The following CTDP1 variants were observed in gnomAD, a reference collection of about 807,000 sequenced individuals.
The protein encoded by CTDP1 is CTD phosphatase 1.
CTDP1 carries 47 observed loss-of-function variants against 91.8 expected under a neutral mutation model. The observed-to-expected ratio is 0.51, with a 90% CI of 0.41 to 0.65. The LOEUF is 0.65. CTDP1 is among the 30% of genes least tolerant of loss of function. The pLI is 0.00. For missense variants in CTDP1, 1,272 were observed against 1,373.7 expected (o/e 0.93, Z 1.17); for synonymous variants, 656 against 598.5 (o/e 1.10, Z -1.40).
At position 79,679,853 on chromosome 18, in the gene CTDP1, C is replaced by A; in HGVS notation, c.-95C>A. 1.7e-6 allele frequency: 2 copies of A among 1,190,768 alleles called. No homozygotes were observed. Among genetic ancestry groups the A allele is most frequent in the Non-Finnish European group, 2.2e-6 (2 of 905,986 alleles). The allele number at this position is 1,190,768 out of a possible 1,614,324, so 73.8% of individuals were successfully genotyped here. ...TGGAAGCCGGTACCGAGAGGAACTA[C>A]AGCGTCGCCGCCTGGGTTGTGTCGC... is the stretch of plus-strand genomic sequence containing the variant. On this transcript the variant is annotated 5_prime_UTR_variant, in exon 1 of 13. Transcript: ENST00000613122.
At position 79,705,534 on chromosome 18, in the gene CTDP1, TCCACGTGGACGAAGCAACGTCTGTC is replaced by T. The variant is rs527715546; in HGVS notation, c.772+635_772+659del. Among the ~76,000 whole-genome samples, 17 of 151,738 alleles carry T rather than the reference TCCACGTGGACGAAGCAACGTCTGTC, an allele frequency of 1.1e-4. No individual in the cohort carries two copies. The East Asian group carries it at 1.7e-3, about 16-fold the overall frequency. On this transcript the variant is annotated intron_variant, in intron 5 of 12. Coordinates refer to ENST00000613122, the MANE Select transcript of CTDP1 (RefSeq NM_004715.5). ...ACAAAGTGGGACAGCGACCGTCTGT[TCCACGTGGACGAAGCAACGTCTGTC>T]CCACGTGGACGAAGCAAGGGGACAG...
intron 12 of CTDP1, among the ~76,000 whole-genome samples, chr18:79,744,976 G>A (rs1037004153): frequency 2.6e-5 from 4 of 152,206 alleles, no homozygotes; most frequent in Non-Finnish European, 4.4e-5. Flanking sequence ...TGGAGCAGGA[G>A]TGTCCATCCC....
At chr18:79,724,022 A>G (rs553159320) in intron 10 of CTDP1, among the ~76,000 whole-genome samples, 1 of 152,220 alleles carries the variant, frequency 6.6e-6, no homozygotes, top group African/African-American at 2.4e-5. Flanking sequence ...GGTTGTTTCC[A>G]GCCTTTGCTC....
chr18:79,731,048 T>G (rs2122746245), intron 11 of CTDP1, among the ~76,000 whole-genome samples: 1 of 152,258 alleles, frequency 6.6e-6, no homozygotes, highest in East Asian at 1.9e-4. Context: ...AGCCTGTCTC[T>G]CGGGCCCATT....
intron 12 of CTDP1, among the ~76,000 whole-genome samples, chr18:79,739,496 C>G (rs913544151): frequency 6.6e-6 from 1 of 152,088 alleles, no homozygotes; most frequent in Non-Finnish European, 1.5e-5. Context: ...CACGCAAGCA[C>G]GGAACTGACC....
intron 7 of CTDP1, among the ~76,000 whole-genome samples, chr18:79,714,260 G>A (rs1221146146): frequency 6.6e-6 from 1 of 152,088 alleles, no homozygotes; most frequent in Non-Finnish European, 1.5e-5. Context: ...TAAGTTTAAC[G>A]CAAATACTCC....
intron 3 of CTDP1, 61 bp from the exon 4 acceptor site, chr18:79,697,799 G>A: frequency 6.2e-7 from 1 of 1,608,568 alleles, no homozygotes; most frequent in Non-Finnish European, 8.5e-7. Flanking sequence ...CGATGAAATG[G>A]AGTTTTACCT....
At chr18:79,732,882 C>T (rs561112032) in intron 11 of CTDP1, among the ~76,000 whole-genome samples, 69 of 149,870 alleles carry the variant, frequency 4.6e-4, no homozygotes, top group African/African-American at 1.6e-3. Context: ...CGTAAGAACT[C>T]GCTAACATCA....
At chr18:79,709,242 C>T (rs1388427722) in intron 5 of CTDP1, among the ~76,000 whole-genome samples, 1 of 152,334 alleles carries the variant, frequency 6.6e-6, no homozygotes, top group East Asian at 1.9e-4. Flanking sequence ...CCTATATACT[C>T]TGTGGTTCTT....
At position 79,722,786 on chromosome 18, in the gene CTDP1, A is replaced by G. The variant is rs1053918909; in HGVS notation, c.2417+4770A>G. Among the ~76,000 whole-genome samples the G allele has an allele frequency of 3.3e-5, 5 of 152,192 alleles. No individual in the cohort carries two copies. The East Asian group carries it at 9.6e-4, about 29-fold the overall frequency. Reference sequence around the variant, plus strand: ...GTTTGAATGTCTCCCTCCCCAGGCTAGACATAGTGCTGGAAGTCTGAGGAA... The same window carrying G: ...GTTTGAATGTCTCCCTCCCCAGGCTGGACATAGTGCTGGAAGTCTGAGGAA... On this transcript the variant is annotated intron_variant, in intron 10 of 12. Transcript: ENST00000613122.
At chr18:79,685,465 A>G (rs1310811111) in intron 1 of CTDP1, 1 of 152,174 alleles carries the variant, frequency 6.6e-6, no homozygotes, top group Non-Finnish European at 1.5e-5. Flanking sequence ...AGGGTTGATG[A>G]CGTCTGACAG....
chr18:79,714,328 G>T (rs2086148358), intron 7 of CTDP1, among the ~76,000 whole-genome samples, 163 bp from the exon 8 acceptor site: 1 of 152,218 alleles, frequency 6.6e-6, no homozygotes, highest in Non-Finnish European at 1.5e-5. Context: ...CTTCAGGTAA[G>T]GGGTGCTCAC....
chr18:79,679,669 A>C, upstream of CTDP1: 1 of 520,620 alleles, frequency 1.9e-6, no homozygotes, highest in Non-Finnish European at 3.7e-6. Context: ...GGGCTCAGGA[A>C]CGCAGTTCTT....
chr18:79,709,223 AAT>A (rs1409507298), intron 5 of CTDP1, among the ~76,000 whole-genome samples: 2 of 152,248 alleles, frequency 1.3e-5, no homozygotes, highest in African/African-American at 2.4e-5. Flanking sequence ...TACAAACTGA[AAT>A]ATGTTTCCTA....
intron 12 of CTDP1, among the ~76,000 whole-genome samples, chr18:79,751,770 C>T (rs186299971): frequency 2.6e-4 from 40 of 152,100 alleles, no homozygotes; most frequent in African/African-American, 9.4e-4. Context: ...TGTTATATGC[C>T]TGCTGTGTGT....
At chr18:79,732,346 A>G (rs1202538613) in intron 11 of CTDP1, among the ~76,000 whole-genome samples, 3 of 149,484 alleles carry the variant, frequency 2.0e-5, no homozygotes, top group Non-Finnish European at 1.5e-5. Context: ...AGTGCTCCCA[A>G]AATCACGTGA....
At chr18:79,695,365 G>A (rs1477438698) in intron 2 of CTDP1, 57 bp downstream of exon 2, 27 of 1,503,610 alleles carry the variant, frequency 1.8e-5, no homozygotes, top group South Asian at 4.5e-5. Flanking sequence ...GGTGGCCTCC[G>A]GGGAGTCCGA....
chr18:79,710,261 A>T (rs965129404), intron 5 of CTDP1, 85 bp from the exon 6 acceptor site: 1 of 1,117,150 alleles, frequency 9.0e-7, no homozygotes, highest in Non-Finnish European at 1.4e-6. Context: ...TGCCACTTTA[A>T]AAAAAACATT....
Position 79,736,460 on chromosome 18 carries a change from G to C in CTDP1, c.2686G>C (p.Glu896Gln). The C allele has an allele frequency of 1.3e-6, 2 of 1,549,018 alleles. No individual in the cohort carries two copies. Among genetic ancestry groups the C allele is most frequent in the South Asian group, 2.4e-5 (2 of 83,972 alleles). Residue 896 changes from glutamate to glutamine, a missense_variant, in exon 12 of 13, where the codon GAG becomes CAG. By Grantham distance (29) the Glu-to-Gln change is conservative. Transcript: ENST00000613122. The stretch of plus-strand genomic sequence containing the variant: ...GCCCCGGAAGCCAGGGACCCGCAGG[G>C]AGCGGACGCTCGGGGCACCTGCGTC... ...PQPRKPGTRR[E>Q]RTLGAPASSE...
Sources: allele counts gnomAD v4.1 joint callset (sites outside exome capture counted in the v4.1 genomes callset), GRCh38; gene constraint gnomAD v4.1.1; transcripts MANE v1.5; gene names NCBI Gene and HGNC (gene_info 2026-07-23, HGNC 2026-07-21).